The following PLEK variants were observed in gnomAD, a reference collection of about 807,000 sequenced individuals.
PLEK encodes the protein pleckstrin.
In PLEK, 25 loss-of-function variants were observed where a neutral mutation model predicts 43.9. The ratio of observed to expected loss-of-function variants is 0.57; its 90% confidence interval spans 0.41 to 0.79. The LOEUF (loss-of-function observed/expected upper bound fraction) is 0.79. Among genes scored for constraint, PLEK ranks in the 30% least tolerant of loss-of-function variants. PLEK has a pLI of 0.00. For synonymous variants in PLEK, 152 were observed against 144.4 expected (o/e 1.05, Z -0.38); for missense variants, 396 against 413.3 (o/e 0.96, Z 0.36).
rs901844418 is a variant in PLEK, at chr2:68,374,284, C to A, written c.43-6044C>A. Among the ~76,000 whole-genome samples, 7 of 152,266 alleles carry A rather than the reference C, an allele frequency of 4.6e-5. No homozygotes were observed. In the East Asian group the frequency reaches 1.2e-3, roughly 25 times the overall value. ...AATAAAATGACCTTATCTAATACAC[C>A]TTTTACATTCAAATGATGCCAGATC... On this transcript the variant is annotated intron_variant, in intron 1 of 8. Transcript: ENST00000234313.
intron 4 of PLEK, 64 bp from the exon 5 acceptor site, chr2:68,386,438 G>C: frequency 1.5e-6 from 2 of 1,321,382 alleles, no homozygotes; most frequent in Non-Finnish European, 2.2e-6. Context: ...CAGTTCAGGG[G>C]TGATTGTCAG....
At chr2:68,389,777 C>T (rs578052327) in intron 6 of PLEK, among the ~76,000 whole-genome samples, 107 of 152,080 alleles carry the variant, frequency 7.0e-4, no homozygotes, top group Middle Eastern at 3.4e-3. Context: ...AGCCTTATGC[C>T]GGGAAGGCTC....
At chr2:68,390,545 A>G (rs1053467019) in intron 6 of PLEK, among the ~76,000 whole-genome samples, 5 of 152,186 alleles carry the variant, frequency 3.3e-5, no homozygotes, top group Non-Finnish European at 7.3e-5. Context: ...TGGGGAGCAA[A>G]AACCTCTTCG....
At position 68,395,885 on chromosome 2, in the gene PLEK, A is replaced by G. The variant is rs1673953998; in HGVS notation, c.*69A>G. 18 of 1,386,906 alleles carry G rather than the reference A, an allele frequency of 1.3e-5. No individual in the cohort carries two copies. The highest frequency in any genetic ancestry group is 1.7e-5 in the Non-Finnish European group (17 of 984,120). The allele number at this position is 1,386,906 out of a possible 1,614,324, so 85.9% of individuals were successfully genotyped here. On this transcript the variant is annotated 3_prime_UTR_variant, in exon 9 of 9. Coordinates refer to ENST00000234313, the MANE Select transcript of PLEK (RefSeq NM_002664.3). The stretch of plus-strand genomic sequence containing the variant: ...GACAAGCTCAGTCCAGGACCTGTCC[A>G]CTTCTGTGACAAATCAACGGGAAAC...
chr2:68,367,357 C>A (rs944695147), intron 1 of PLEK, among the ~76,000 whole-genome samples: 1 of 151,690 alleles, frequency 6.6e-6, no homozygotes, highest in Non-Finnish European at 1.5e-5. Flanking sequence ...TTGTACAGAT[C>A]ATTTTGTTAC....
chr2:68,397,263 T>C lies in PLEK; in HGVS notation c.*1447T>C, dbSNP rs1673978128. The C allele has an allele frequency of 1.3e-5, 2 of 152,198 alleles. No homozygotes were observed. Among genetic ancestry groups the C allele is most frequent in the Non-Finnish European group, 2.9e-5 (2 of 68,042 alleles). 9.4% of individuals were successfully genotyped at this position (152,198 alleles called of 1,614,324 possible). A position where few individuals can be genotyped will look rare whatever the true frequency, so the allele number is the denominator to read the frequency against. The stretch of plus-strand genomic sequence containing the variant: ...CCCTCCCTCAATTCCCCTGTAACAT[T>C]CCTGAAGCTGTTCCCACTCCCAGAT... On this transcript the variant is annotated 3_prime_UTR_variant, in exon 9 of 9. Transcript: ENST00000234313.
chr2:68,394,471 G>A (rs562550201), intron 8 of PLEK, among the ~76,000 whole-genome samples: 1 of 152,172 alleles, frequency 6.6e-6, no homozygotes, highest in Admixed American at 6.5e-5. Flanking sequence ...AGCTTGGCAA[G>A]TTGCAATGAG....
rs192429020 is a variant in PLEK, at chr2:68,392,053, G to C, written c.763-1109G>C. Among the ~76,000 whole-genome samples the C allele has an allele frequency of 3.3e-5, 5 of 152,134 alleles. No homozygotes were observed. In the East Asian group the frequency reaches 9.6e-4, roughly 29 times the overall value. ...AATCCTGCCCTTAAAACTCAGTCTA[G>C]ACAATGTCAGTGTTTAATTCTGTTG... On this transcript the variant is annotated intron_variant, in intron 6 of 8. Transcript: ENST00000234313.
At chr2:68,386,451 G>T (rs375122753) in intron 4 of PLEK, 51 bp from the exon 5 acceptor site, 32 of 1,452,820 alleles carry the variant, frequency 2.2e-5, no homozygotes, top group Non-Finnish European at 3.0e-5. Flanking sequence ...ATTGTCAGGG[G>T]CTTGTTCTTC....
chr2:68,388,087 C>T, intron 5 of PLEK: 1 of 291,880 alleles, frequency 3.4e-6, no homozygotes, highest in Non-Finnish European at 6.4e-6. Flanking sequence ...CAGACATGTG[C>T]CTGGTTAGGA....
At position 68,396,060 on chromosome 2, in the gene PLEK, A is replaced by G. The variant is rs570996517; in HGVS notation, c.*244A>G. 6.9e-6 allele frequency: 3 copies of G among 435,280 alleles called. No homozygotes were observed. Among genetic ancestry groups the G allele is most frequent in the East Asian group, 3.5e-5 (1 of 28,792 alleles). 27.0% of individuals were successfully genotyped at this position (435,280 alleles called of 1,614,324 possible). A position where few individuals can be genotyped will look rare whatever the true frequency, so the allele number is the denominator to read the frequency against. ...CAGATATAACAAGCTGTGCAGCCTC[A>G]GTAGGCTGCTTGCCCTCTCCAGGCC... On this transcript the variant is annotated 3_prime_UTR_variant, in exon 9 of 9. Coordinates refer to ENST00000234313, the MANE Select transcript of PLEK (RefSeq NM_002664.3).
rs1291993996 is a variant in PLEK at position 68,388,797 on chromosome 2, C to T, written c.762+306C>T. Reference sequence around the variant, plus strand: ...AGATAAATTGTCTAAGAGATGCCATCCAAAAGACAAAGCTGTCTCATGGTA... The same window carrying T: ...AGATAAATTGTCTAAGAGATGCCATTCAAAAGACAAAGCTGTCTCATGGTA... On this transcript the variant is annotated intron_variant, in intron 6 of 8. Coordinates refer to ENST00000234313, the MANE Select transcript of PLEK (RefSeq NM_002664.3). 3.3e-5 allele frequency among the ~76,000 whole-genome samples: 5 copies of T among 152,128 alleles called. No individual in the cohort carries two copies. In the South Asian group the frequency reaches 1.0e-3, roughly 32 times the overall value.
chr2:68,393,984 C>T, intron 7 of PLEK, 123 bp from the exon 8 acceptor site: 2 of 686,100 alleles, frequency 2.9e-6, no homozygotes, highest in Admixed American at 2.1e-5. Flanking sequence ...TCTCCTTCTG[C>T]TCTTACTTAT....
rs527589867 is a variant in PLEK at position 68,393,322 on chromosome 2, C to T, written c.846+77C>T. On this transcript the variant is annotated intron_variant, in intron 7 of 8. Coordinates refer to ENST00000234313, the MANE Select transcript of PLEK (RefSeq NM_002664.3). ...TATAATCTGGGCTTCCTATTCCCCT[C>T]TCTACTCTGTTGATATCCCCTTTTT... The T allele has an allele frequency of 1.8e-5, 18 of 983,306 alleles. No individual in the cohort carries two copies. In the East Asian group the frequency reaches 3.6e-4, roughly 20 times the overall value. The allele number at this position is 983,306 out of a possible 1,614,324, so 60.9% of individuals were successfully genotyped here. A position where few individuals can be genotyped will look rare whatever the true frequency, so the allele number is the denominator to read the frequency against.
Position 68,380,479 on chromosome 2 carries a change from G to A in PLEK, c.194G>A (p.Arg65Lys), listed in dbSNP as rs1673590992. The change falls in exon 2 of 9, where the codon AGG becomes AAG. Residue 65 changes from arginine to lysine, a missense_variant. Transcript: ENST00000234313. ...LTSPCQDFGK[R>K]MFVFKITTTK... ...AGCCCTTGTCAAGACTTTGGCAAAAGGATGGTAAGTTGACATCATGAGCTG... is the reference window on the plus strand; with the variant it reads ...AGCCCTTGTCAAGACTTTGGCAAAAAGATGGTAAGTTGACATCATGAGCTG... 3 of 1,613,350 alleles carry A rather than the reference G, an allele frequency of 1.9e-6. No individual in the cohort carries two copies. Among genetic ancestry groups the A allele is most frequent in the Non-Finnish European group, 2.5e-6 (3 of 1,179,628 alleles).
At chr2:68,387,155 G>A (rs914343274) in intron 5 of PLEK, among the ~76,000 whole-genome samples, 11 of 152,040 alleles carry the variant, frequency 7.2e-5, no homozygotes, top group African/African-American at 2.2e-4. Flanking sequence ...ACAGGCATGC[G>A]CCACCACACT....
chr2:68,366,865 T>G (rs1327738521), intron 1 of PLEK, among the ~76,000 whole-genome samples: 1 of 152,218 alleles, frequency 6.6e-6, no homozygotes, highest in South Asian at 2.1e-4. Flanking sequence ...TTTTGTTTGT[T>G]TTTTTAAACA....
At chr2:68,390,245 C>T (rs1222082034) in intron 6 of PLEK, among the ~76,000 whole-genome samples, 3 of 152,198 alleles carry the variant, frequency 2.0e-5, no homozygotes, top group Non-Finnish European at 2.9e-5. Flanking sequence ...TTAGCTAGCT[C>T]GGTTGGTGCA....
intron 4 of PLEK, 104 bp from the exon 5 acceptor site, chr2:68,386,398 G>A (rs1242447433): frequency 1.3e-6 from 1 of 765,198 alleles, no homozygotes; most frequent in African/African-American, 1.7e-5. Context: ...GGGGAGACGA[G>A]ACAAGTCAGA....
Sources: allele counts gnomAD v4.1 joint callset (sites outside exome capture counted in the v4.1 genomes callset), GRCh38; gene constraint gnomAD v4.1.1; transcripts MANE v1.5; gene names NCBI Gene and HGNC (gene_info 2026-07-23, HGNC 2026-07-21).